LRP1: variants seen among roughly 807,000 people sequenced by gnomAD.
The protein encoded by LRP1 is prolow-density lipoprotein receptor-related protein 1.
A neutral mutation model predicts 541.5 loss-of-function variants in LRP1; 51 were observed. The observed-to-expected ratio is 0.09, with a 90% confidence interval of 0.08 to 0.12. The LOEUF (loss-of-function observed/expected upper bound fraction) is 0.12, where lower values mean the gene tolerates loss of function less well. Ranked by LOEUF, LRP1 falls within the 10% of genes least tolerant of loss-of-function variation. The pLI is 1.00. For synonymous variants in LRP1, 2,219 were observed against 2,470.8 expected, an observed-to-expected ratio of 0.90 and a Z score of 3.02; for missense variants, 3,878 against 6,376.2, an observed-to-expected ratio of 0.61 and a Z score of 13.34.
chr12:57,159,554 C>T (rs567245832), intron 11 of LRP1, among the ~76,000 whole-genome samples: 125 of 152,342 alleles, frequency 8.2e-4, no homozygotes, highest in Middle Eastern at 3.4e-3. Context: ...TGCCCTCACA[C>T]GAGAGCCCAC....
Position 57,201,552 on chromosome 12 carries a change from C to A in LRP1, c.10401C>A (p.Ile3467=). 1 of 1,614,036 alleles carries A rather than the reference C, an allele frequency of 6.2e-7. No individual in the cohort carries two copies. Among genetic ancestry groups the A allele is most frequent in the South Asian group, 1.1e-5 (1 of 91,078 alleles). ...AGTGCTCCATTACCAAACGGTGCAT[C>A]CCCCGGGTCTGGGTCTGCGACCGGG... The part of the protein sequence containing the change: ...QFQCSITKRC[I]PRVWVCDRDN... Residue 3467 remains isoleucine, a synonymous_variant, in exon 66 of 89, where the codon ATC becomes ATA. Transcript: ENST00000243077. The surrounding 1 kb of genome is among the most constrained non-coding windows in gnomAD (Gnocchi z 6.4).
At chr12:57,139,834 T>C (rs1360566108) in intron 2 of LRP1, among the ~76,000 whole-genome samples, 1 of 152,106 alleles carries the variant, frequency 6.6e-6, no homozygotes, top group Non-Finnish European at 1.5e-5. Context: ...CAAACCCAGA[T>C]TGATTCACAT....
At position 57,156,799 on chromosome 12, in the gene LRP1, C is replaced by T. The variant is rs142887009; in HGVS notation, c.1440C>T (p.Asn480=). Residue 480 remains asparagine, a synonymous_variant, in exon 10 of 89, where the codon AAC becomes AAT. Coordinates refer to ENST00000243077, the MANE Select transcript of LRP1 (RefSeq NM_002332.3). The surrounding 1 kb of genome is among the most constrained non-coding windows in gnomAD (Gnocchi z 5.2). Reference sequence around the variant, plus strand: ...CAGTGAGGAGCCATGCCTGTGAAAACGACCAGTATGGGAAGCCGGGTGGCT... The same window carrying T: ...CAGTGAGGAGCCATGCCTGTGAAAATGACCAGTATGGGAAGCCGGGTGGCT... ...QPRVRSHACE[N]DQYGKPGGCS... The T allele has an allele frequency of 1.4e-4, 222 of 1,609,580 alleles. No homozygotes were observed. The African/African-American group carries it at 2.4e-3, about 18-fold the overall frequency.
intron 13 of LRP1, among the ~76,000 whole-genome samples, 156 bp downstream of exon 13, chr12:57,161,271 A>G (rs2035728327): frequency 6.6e-6 from 1 of 152,082 alleles, no homozygotes; most frequent in Non-Finnish European, 1.5e-5. Flanking sequence ...GCATCTATAG[A>G]TGTGTACATC....
At position 57,204,820 on chromosome 12, in the gene LRP1, G is replaced by A; in HGVS notation, c.11194+71G>A. On this transcript the variant is annotated intron_variant, in intron 72 of 88. Coordinates refer to ENST00000243077, the MANE Select transcript of LRP1 (RefSeq NM_002332.3). The surrounding 1 kb of genome is among the most constrained non-coding windows in gnomAD (Gnocchi z 5.3). The stretch of plus-strand genomic sequence containing the variant: ...CAGTGGGGTGAGTCTGGTCCTCGTG[G>A]GAGCTGCACTGGGGTTAGGGTTAAC... 1.3e-6 allele frequency: 2 copies of A among 1,594,248 alleles called. No individual in the cohort carries two copies. The highest frequency in any genetic ancestry group is 4.5e-5 in the East Asian group (2 of 44,420).
rs1202943314 is a variant in LRP1, at chr12:57,211,414, T to C, written c.13091+64T>C. ...CCCCTGCCCTGTCCTAGCCCTGCCC[T>C]GCCCCTCCCTTCCTCAGCATCCCAG... On this transcript the variant is annotated intron_variant, in intron 84 of 88. Coordinates refer to ENST00000243077, the MANE Select transcript of LRP1 (RefSeq NM_002332.3). The surrounding 1 kb of genome is among the most constrained non-coding windows in gnomAD (Gnocchi z 4.3). 4 of 1,608,466 alleles carry C rather than the reference T, an allele frequency of 2.5e-6. No individual in the cohort carries two copies. Among genetic ancestry groups the C allele is most frequent in the East Asian group, 2.2e-5 (1 of 44,860 alleles).
chr12:57,137,911 T>G (rs1260039155), intron 1 of LRP1, among the ~76,000 whole-genome samples: 1 of 152,148 alleles, frequency 6.6e-6, no homozygotes, highest in African/African-American at 2.4e-5. Context: ...CTACTGTGTG[T>G]GCCAAGGGCA....
chr12:57,192,098 C>CCACA (rs68003748), intron 44 of LRP1, among the ~76,000 whole-genome samples: 3 of 145,364 alleles, frequency 2.1e-5, no homozygotes, highest in African/African-American at 7.7e-5. Flanking sequence ...CACAAACATG[C>CCACA]CACACACACA....
At position 57,179,549 on chromosome 12, in the gene LRP1, C is replaced by T. The variant is rs1345470935; in HGVS notation, c.4959C>T (p.Val1653=). Residue 1653 remains valine, a synonymous_variant, in exon 29 of 89, where the codon GTC becomes GTT. Transcript: ENST00000243077. This position sits in a 1 kb window ranked among gnomAD's most constrained non-coding sequence, Gnocchi z 6.8. ...ACGGCACAGGCGTGGAGACAGTCGTCTCTGCAGGTTCTTCCTGGCCCTGGA... is the reference window on the plus strand; with the variant it reads ...ACGGCACAGGCGTGGAGACAGTCGTTTCTGCAGGTTCTTCCTGGCCCTGGA... ...FINGTGVETV[V]SADLPNAHGL... is the part of the protein sequence containing the mutation. The T allele has an allele frequency of 5.6e-6, 9 of 1,613,728 alleles. No homozygotes were observed. Among genetic ancestry groups the T allele is most frequent in the Non-Finnish European group, 6.8e-6 (8 of 1,179,888 alleles).
chr12:57,167,347 G>A (rs1320603674), intron 18 of LRP1, 97 bp from the exon 19 acceptor site: 1 of 910,366 alleles, frequency 1.1e-6, no homozygotes, highest in Non-Finnish European at 1.8e-6. Flanking sequence ...TGGGCTAAGG[G>A]CTGCTGGTTA....
At chr12:57,174,095 C>G in intron 22 of LRP1, 115 bp downstream of exon 22, 1 of 1,070,572 alleles carries the variant, frequency 9.3e-7, no homozygotes, top group East Asian at 2.6e-5. Flanking sequence ...GCCGGGCAGG[C>G]GAGCAGCACC....
chr12:57,175,013 G>T (rs1194083670), intron 22 of LRP1, among the ~76,000 whole-genome samples: 2 of 152,134 alleles, frequency 1.3e-5, no homozygotes, highest in Non-Finnish European at 2.9e-5. Flanking sequence ...TTTCCAGGGT[G>T]TGCCAGAGGA....
At chr12:57,141,604 G>A (rs1286895620) in intron 3 of LRP1, 93 bp downstream of exon 3, 6 of 1,482,844 alleles carry the variant, frequency 4.0e-6, no homozygotes, top group Non-Finnish European at 5.6e-6. Flanking sequence ...CAGTGGGGAT[G>A]AGGCCTTGTC....
chr12:57,192,858 A>G lies in LRP1; in HGVS notation c.7443A>G (p.Pro2481=), dbSNP rs532559196. ...GTCCCTGCTCAGGTGAACTCTCTCC[A>G]TGCCGAATCAACAACGGTGGCTGCC... The part of the protein sequence containing the change: ...ANDTNSCELS[P]CRINNGGCQD... Residue 2481 remains proline, a synonymous_variant, in exon 45 of 89, where the codon CCA becomes CCG. Transcript: ENST00000243077. 16 of 1,614,040 alleles carry G rather than the reference A, an allele frequency of 9.9e-6. No individual in the cohort carries two copies. The South Asian group carries it at 1.6e-4, about 17-fold the overall frequency.
In LRP1 at chr12:57,205,237, G is replaced by C. The variant is rs752426196; in HGVS notation, c.11323G>C (p.Asp3775His). 13 of 1,612,270 alleles carry C rather than the reference G, an allele frequency of 8.1e-6. No homozygotes were observed. In the South Asian group the frequency reaches 1.4e-4, roughly 18 times the overall value. Reference sequence around the variant, plus strand: ...CTGCGGGGACGGCTCTGACGAGGAGGACTGCAGCATCGGTGAGGCCCGGCA... The same window carrying C: ...CTGCGGGGACGGCTCTGACGAGGAGCACTGCAGCATCGGTGAGGCCCGGCA... The part of the protein sequence containing the change: ...DDCGDGSDEE[D>H]CSIDPKLTSC... The change falls in exon 73 of 89, where the codon GAC becomes CAC. Residue 3775 changes from aspartate (D) to histidine (H), a missense_variant. Coordinates refer to ENST00000243077, the MANE Select transcript of LRP1 (RefSeq NM_002332.3). The surrounding 1 kb of genome is among the most constrained non-coding windows in gnomAD (Gnocchi z 4.6).
intron 82 of LRP1, 39 bp downstream of exon 82, chr12:57,210,519 T>C (rs765285818): frequency 6.6e-7 from 1 of 1,508,426 alleles, no homozygotes; most frequent in Non-Finnish European, 8.9e-7. Context: ...TCCTTGCCCC[T>C]GGGCCCCAGC....
chr12:57,147,507 C>A (rs182621071), intron 6 of LRP1: 3 of 152,270 alleles, frequency 2.0e-5, no homozygotes, highest in Non-Finnish European at 4.4e-5. Flanking sequence ...GCAGCTTTCC[C>A]CTGCTTTCAC....
intron 23 of LRP1, 50 bp from the exon 24 acceptor site, chr12:57,175,859 A>G (rs1161726539): frequency 6.2e-7 from 1 of 1,600,858 alleles, no homozygotes. Context: ...GACGGGTGGC[A>G]CACAGGCAGC....
rs1337165985 is a variant in LRP1, at chr12:57,162,286, A to G, written c.2203-31A>G. The G allele has an allele frequency of 2.5e-6, 4 of 1,593,820 alleles. No homozygotes were observed. Among genetic ancestry groups the G allele is most frequent in the Non-Finnish European group, 3.4e-6 (4 of 1,162,032 alleles). Reference sequence around the variant, plus strand: ...CACAGGCCTCCCTCAATTTTCTTCCAACTCCTTAGTAACATCCTCTCCATC... The same window carrying G: ...CACAGGCCTCCCTCAATTTTCTTCCGACTCCTTAGTAACATCCTCTCCATC... On this transcript the variant is annotated intron_variant, in intron 13 of 88. Transcript: ENST00000243077. The surrounding 1 kb of genome is among the most constrained non-coding windows in gnomAD (Gnocchi z 5.2).
Sources: gnomAD v4.1 joint callset for allele counts (sites outside exome capture counted in the v4.1 genomes callset) on GRCh38, gnomAD v4.1.1 for gene constraint, Gnocchi (gnomAD v3.1) non-coding constraint, MANE v1.5 for transcripts, NCBI Gene and HGNC (gene_info 2026-07-23, HGNC 2026-07-21) for gene names.